EIPR1: variants seen among roughly 807,000 people sequenced by gnomAD.
The protein encoded by EIPR1 is EARP complex and GARP complex interacting protein 1.
EIPR1 carries 25 observed loss-of-function variants against 48.1 expected under a neutral mutation model. The ratio of observed to expected loss-of-function variants is 0.52; its 90% CI spans 0.38 to 0.73. The LOEUF (loss-of-function observed/expected upper bound fraction) is 0.73, where lower values mean the gene tolerates loss of function less well. Among genes scored for constraint, EIPR1 ranks in the 30% least tolerant of loss-of-function variants. The probability of loss-of-function intolerance (pLI) is 0.00; values close to 1 mark genes in which losing one functional copy is unlikely to be tolerated. For synonymous variants in EIPR1, 204 were observed against 201.9 expected, an observed-to-expected ratio of 1.01 and a Z score of -0.09; for missense variants, 415 against 506.2, an observed-to-expected ratio of 0.82 and a Z score of 1.73.
intron 5 of EIPR1, among the ~76,000 whole-genome samples, chr2:3,211,734 T>A (rs1268760206): frequency 6.6e-6 from 1 of 152,232 alleles, no homozygotes; most frequent in East Asian, 1.9e-4. Flanking sequence ...CTCTCCTGCG[T>A]GAACAGAAGG....
At chr2:3,256,770 G>C (rs1667169324) in intron 4 of EIPR1, among the ~76,000 whole-genome samples, 1 of 152,204 alleles carries the variant, frequency 6.6e-6, no homozygotes, top group South Asian at 2.1e-4. Flanking sequence ...TGACCAGTGG[G>C]TGCACACAGC....
At chr2:3,311,849 G>A (rs1036692596) in intron 3 of EIPR1, among the ~76,000 whole-genome samples, 1 of 152,168 alleles carries the variant, frequency 6.6e-6, no homozygotes, top group Non-Finnish European at 1.5e-5. Context: ...TGGGAGGGGA[G>A]CTCCAGTCAC....
At chr2:3,306,595 T>C (rs539337413) in intron 3 of EIPR1, among the ~76,000 whole-genome samples, 6 of 152,378 alleles carry the variant, frequency 3.9e-5, no homozygotes, top group African/African-American at 1.4e-4. Flanking sequence ...ATGACAAATG[T>C]ATTACAGACT....
chr2:3,201,223 T>G (rs981463024), intron 5 of EIPR1, among the ~76,000 whole-genome samples: 1 of 151,816 alleles, frequency 6.6e-6, no homozygotes, highest in South Asian at 2.1e-4. Flanking sequence ...GGGCCTGACA[T>G]CCCCCTGATC....
chr2:3,353,439 AG>A, intron 2 of EIPR1: 1 of 393,174 alleles, frequency 2.5e-6, no homozygotes, highest in Non-Finnish European at 5.1e-6. Context: ...CATGTTTCTT[AG>A]GAGTCTATAA....
At chr2:3,313,420 T>C (rs2103312099) in intron 3 of EIPR1, among the ~76,000 whole-genome samples, 1 of 121,414 alleles carries the variant, frequency 8.2e-6, no homozygotes, top group Admixed American at 7.7e-5. Context: ...TGGACAGGCA[T>C]GGCAGGAGAC....
At chr2:3,330,292 A>G (rs1669846750) in intron 3 of EIPR1, among the ~76,000 whole-genome samples, 1 of 152,234 alleles carries the variant, frequency 6.6e-6, no homozygotes, top group Non-Finnish European at 1.5e-5. Context: ...AGAGAGCAGC[A>G]AGAGAAGTGG....
Position 3,257,474 on chromosome 2 carries a change from T to C in EIPR1, c.260-19A>G, listed in dbSNP as rs1204048600. The C allele has an allele frequency of 1.2e-6, 2 of 1,613,384 alleles. No individual in the cohort carries two copies. Among genetic ancestry groups the C allele is most frequent in the Non-Finnish European group, 1.7e-6 (2 of 1,179,470 alleles). On this transcript the variant is annotated intron_variant, in intron 3 of 8. Transcript: ENST00000382125. ...TCTGAAGCTGAGCAACAGAGCATAATGGATAATGTCAACAGAGCACGGTGT... is the reference window on the plus strand; with the variant it reads ...TCTGAAGCTGAGCAACAGAGCATAACGGATAATGTCAACAGAGCACGGTGT...
At chr2:3,206,635 C>CA (rs1231191972) in intron 5 of EIPR1, among the ~76,000 whole-genome samples, 1 of 152,190 alleles carries the variant, frequency 6.6e-6, no homozygotes, top group African/African-American at 2.4e-5. Flanking sequence ...CTTTGCTACA[C>CA]AAAAATCTAA....
intron 4 of EIPR1, among the ~76,000 whole-genome samples, chr2:3,239,338 G>A (rs1318699231): frequency 3.3e-5 from 5 of 152,208 alleles, no homozygotes; most frequent in South Asian, 2.1e-4. Context: ...GATAAAAGCC[G>A]CCTTCACACA....
At chr2:3,347,002 A>G (rs1670421079) in intron 2 of EIPR1, among the ~76,000 whole-genome samples, 2 of 152,086 alleles carry the variant, frequency 1.3e-5, no homozygotes, top group Admixed American at 1.3e-4. Context: ...TGTCTTCATG[A>G]TAGCGAGTTC....
chr2:3,313,352 C>T (rs560472173), intron 3 of EIPR1, among the ~76,000 whole-genome samples: 9 of 151,664 alleles, frequency 5.9e-5, no homozygotes, highest in Non-Finnish European at 1.2e-4. Flanking sequence ...GCACAAAATG[C>T]CGCCTGAGAG....
intron 2 of EIPR1, among the ~76,000 whole-genome samples, chr2:3,352,948 G>T (rs1670622996): frequency 6.6e-6 from 1 of 152,232 alleles, no homozygotes; most frequent in Non-Finnish European, 1.5e-5. Flanking sequence ...AGTGAGCTGA[G>T]ATCGTGCCAT....
chr2:3,235,417 GGT>G (rs879414193), intron 4 of EIPR1, among the ~76,000 whole-genome samples: 2,052 of 142,660 alleles, frequency 0.014, 19 homozygotes, highest in Non-Finnish European at 0.02. Flanking sequence ...TGTGCATGCG[GGT>G]GCGCACACAC....
Position 3,189,475 on chromosome 2 carries a change from G to A in EIPR1, c.1023C>T (p.Ala341=), listed in dbSNP as rs1428795851. The change falls in exon 9 of 9, where the codon GCC becomes GCT. Residue 341 remains alanine, a synonymous_variant. Coordinates refer to ENST00000382125, the MANE Select transcript of EIPR1 (RefSeq NM_003310.5). This position sits in a 1 kb window ranked among gnomAD's most constrained non-coding sequence, Gnocchi z 4.6. The part of the protein sequence containing the change: ...SKEPLQDNVI[A]TYEEHEDSVY... ...CGCTGTCCTCGTGCTCCTCGTAGGT[G>A]GCGATCACGTTGTCCTGCAGGGGCT... 1 of 1,572,508 alleles carries A rather than the reference G, an allele frequency of 6.4e-7. No individual in the cohort carries two copies. The highest frequency in any genetic ancestry group is 8.7e-7 in the Non-Finnish European group (1 of 1,154,008).
rs914065874 is a variant in EIPR1 at position 3,286,517 on chromosome 2, G to C, written c.260-29062C>G. ...AGGGACACTTGGTGTCCGTGACAGG[G>C]AAAGGCTGAGGCATCAGGCTTCGGG... On this transcript the variant is annotated intron_variant, in intron 3 of 8. Transcript: ENST00000382125. The surrounding 1 kb of genome is among the most constrained non-coding windows in gnomAD (Gnocchi z 4.2). Among the ~76,000 whole-genome samples the C allele has an allele frequency of 4.6e-5, 7 of 152,240 alleles. No individual in the cohort carries two copies. The highest frequency in any genetic ancestry group is 1.0e-4 in the Non-Finnish European group (7 of 68,044).
intron 5 of EIPR1, among the ~76,000 whole-genome samples, chr2:3,202,192 C>T (rs1369000845): frequency 1.3e-5 from 2 of 152,248 alleles, no homozygotes; most frequent in Non-Finnish European, 2.9e-5. Flanking sequence ...CCGCCTCGGC[C>T]TCCCAAAGTG....
At chr2:3,219,008 T>C (rs535883234) in intron 4 of EIPR1, among the ~76,000 whole-genome samples, 86 of 98,376 alleles carry the variant, frequency 8.7e-4, no homozygotes, top group Admixed American at 2.1e-3. Flanking sequence ...AGGTGCACAC[T>C]CAACACGACC....
rs756005757 is a variant in EIPR1 at position 3,269,422 on chromosome 2, A to G, written c.260-11967T>C. Among the ~76,000 whole-genome samples, 40 of 63,752 alleles carry G rather than the reference A, an allele frequency of 6.3e-4. 3 individuals carry two copies. The highest frequency in any genetic ancestry group is 1.6e-3 in the African/African-American group (26 of 15,820). 41.8% of individuals were successfully genotyped at this position (63,752 alleles called of 152,430 possible). Reference sequence around the variant, plus strand: ...TCATCGCACTCAATCATCGCACTCAATCATCACACTCAATCATCACCACAC... The same window carrying G: ...TCATCGCACTCAATCATCGCACTCAGTCATCACACTCAATCATCACCACAC... On this transcript the variant is annotated intron_variant, in intron 3 of 8. Coordinates refer to ENST00000382125, the MANE Select transcript of EIPR1 (RefSeq NM_003310.5).
Sources: allele counts gnomAD v4.1 joint callset (sites outside exome capture counted in the v4.1 genomes callset), GRCh38; gene constraint gnomAD v4.1.1; non-coding constraint Gnocchi (gnomAD v3.1); transcripts MANE v1.5; gene names NCBI Gene and HGNC (gene_info 2026-07-23, HGNC 2026-07-21).